Variants in CDKL1 observed in about 807,000 individuals in gnomAD.
CDKL1 encodes cyclin dependent kinase like 1.
Under a neutral mutation model 42.0 loss-of-function variants are expected in CDKL1, and 41 were observed. The ratio of observed to expected loss-of-function variants is 0.98; its 90% CI spans 0.76 to 1.27. CDKL1 has a LOEUF of 1.27. CDKL1 is among the 50% of genes most tolerant of loss of function. CDKL1 has a pLI of 0.00. For synonymous variants in CDKL1, 153 were observed against 158.6 expected, an observed-to-expected ratio of 0.96 and a Z score of 0.26; for missense variants, 394 against 428.4, an observed-to-expected ratio of 0.92 and a Z score of 0.71.
At chr14:50,390,350 G>A (rs1351968334) in intron 2 of CDKL1, 1 of 1,366,334 alleles carries the variant, frequency 7.3e-7, no homozygotes, top group Non-Finnish European at 9.8e-7. Context: ...ACTCCGCTAG[G>A]AGCATCTACT....
chr14:50,343,415 A>T (rs1248241650), intron 4 of CDKL1, among the ~76,000 whole-genome samples: 1 of 152,100 alleles, frequency 6.6e-6, no homozygotes, highest in African/African-American at 2.4e-5. Flanking sequence ...CCCCATGGGT[A>T]TTTATTATTC....
intron 3 of CDKL1, chr14:50,358,106 C>A: frequency 7.3e-7 from 1 of 1,361,248 alleles, no homozygotes; most frequent in Non-Finnish European, 9.8e-7. Flanking sequence ...TGTGTGCTCA[C>A]CAAGTCTTCT....
intron 5 of CDKL1, 76 bp from the exon 6 acceptor site, chr14:50,341,308 T>C: frequency 6.7e-7 from 1 of 1,494,020 alleles, no homozygotes; most frequent in Non-Finnish European, 8.9e-7. Context: ...ATCTCAGAAG[T>C]CAAGCCTGTG....
intron 7 of CDKL1, 181 bp from the exon 8 acceptor site, chr14:50,334,802 C>T (rs1199143759): frequency 5.5e-6 from 3 of 548,372 alleles, no homozygotes; most frequent in South Asian, 2.4e-5. Context: ...TCTCTCCCCA[C>T]CTCCAAATCG....
chr14:50,374,685 A>G (rs1191856835), intron 2 of CDKL1, among the ~76,000 whole-genome samples: 3 of 152,258 alleles, frequency 2.0e-5, no homozygotes, highest in African/African-American at 7.2e-5. Flanking sequence ...ACAGATGATT[A>G]CATATAGAAA....
intron 7 of CDKL1, chr14:50,335,717 G>A: frequency 2.0e-6 from 2 of 985,042 alleles, no homozygotes; most frequent in Non-Finnish European, 2.4e-6. Context: ...GTATAAAAGT[G>A]GCAGTGTGTG....
At chr14:50,383,900 T>A (rs2034996623) in intron 2 of CDKL1, among the ~76,000 whole-genome samples, 4 of 152,180 alleles carry the variant, frequency 2.6e-5, no homozygotes, top group Admixed American at 2.6e-4. Context: ...GGCAGCTTTA[T>A]CACTTAGGAG....
At position 50,328,433 on chromosome 14, in the gene CDKL1, T is replaced by A. The variant is rs1272259695; in HGVS notation, c.*1641A>T. On this transcript the variant is annotated 3_prime_UTR_variant, in exon 10 of 10. Coordinates refer to ENST00000395834, the MANE Select transcript of CDKL1 (RefSeq NM_004196.7). The stretch of plus-strand genomic sequence containing the variant: ...TGAGTAGACACCAGACCTCAGTGGA[T>A]TACTTAAGTAAATGGGGTCAGATGT... 1 of 152,128 alleles carries A rather than the reference T, an allele frequency of 6.6e-6. No homozygotes were observed. Among genetic ancestry groups the A allele is most frequent in the African/African-American group, 2.4e-5 (1 of 41,416 alleles). 9.4% of individuals were successfully genotyped at this position (152,128 alleles called of 1,614,324 possible).
At position 50,385,306 on chromosome 14, in the gene CDKL1, G is replaced by A. The variant is rs1473280248; in HGVS notation, c.168+10395C>T. 2.0e-5 allele frequency among the ~76,000 whole-genome samples: 3 copies of A among 152,164 alleles called. No homozygotes were observed. In the East Asian group the frequency reaches 5.8e-4, roughly 29 times the overall value. Reference sequence around the variant, plus strand: ...CATACACTTACTGATGGGAGCTAGTGTGAAGAACACAGCTTCACCCATGCA... The same window carrying A: ...CATACACTTACTGATGGGAGCTAGTATGAAGAACACAGCTTCACCCATGCA... On this transcript the variant is annotated intron_variant, in intron 2 of 9. Coordinates refer to ENST00000395834, the MANE Select transcript of CDKL1 (RefSeq NM_004196.7).
At chr14:50,370,765 GA>G (rs1200742830) in intron 2 of CDKL1, among the ~76,000 whole-genome samples, 2 of 152,182 alleles carry the variant, frequency 1.3e-5, no homozygotes, top group Admixed American at 6.5e-5. Context: ...ACAAGGGAGA[GA>G]GAGGGAATTG....
Position 50,332,705 on chromosome 14 carries a change from G to A in CDKL1, c.796-273C>T, listed in dbSNP as rs927926230. 1.3e-5 allele frequency: 20 copies of A among 1,531,330 alleles called. No individual in the cohort carries two copies. In the African/African-American group the frequency reaches 2.6e-4, roughly 20 times the overall value. 94.9% of individuals were successfully genotyped at this position (1,531,330 alleles called of 1,614,324 possible). ...TTGGTACTCTGCCCTGGGAGAGTAA[G>A]ATATAATTTTAGAGTTTACCTCAGT... On this transcript the variant is annotated intron_variant, in intron 8 of 9. Transcript: ENST00000395834.
At chr14:50,375,082 T>C (rs2139499441) in intron 2 of CDKL1, among the ~76,000 whole-genome samples, 1 of 152,266 alleles carries the variant, frequency 6.6e-6, no homozygotes, top group South Asian at 2.1e-4. Flanking sequence ...TCTGCACATG[T>C]ATCCCGGAAC....
At position 50,334,724 on chromosome 14, in the gene CDKL1, C is replaced by T. The variant is rs879604336; in HGVS notation, c.739-103G>A. 42 of 766,766 alleles carry T rather than the reference C, an allele frequency of 5.5e-5. No individual in the cohort carries two copies. The Admixed American group carries it at 6.2e-4, about 11-fold the overall frequency. 47.5% of individuals were successfully genotyped at this position (766,766 alleles called of 1,614,324 possible). On this transcript the variant is annotated intron_variant, in intron 7 of 9. Transcript: ENST00000395834. Reference sequence around the variant, plus strand: ...AAACATTTTCCTGGCACCTTCCTCACGTCCTCCACCCTTTGCCCACCCAAC... The same window carrying T: ...AAACATTTTCCTGGCACCTTCCTCATGTCCTCCACCCTTTGCCCACCCAAC...
At chr14:50,363,269 A>C in intron 2 of CDKL1, 1 of 192,042 alleles carries the variant, frequency 5.2e-6, no homozygotes, top group Non-Finnish European at 1.1e-5. Context: ...CCAAGAACCC[A>C]CCAATTCCAG....
At chr14:50,348,705 C>G (rs1261119587) in intron 3 of CDKL1, among the ~76,000 whole-genome samples, 2 of 152,158 alleles carry the variant, frequency 1.3e-5, no homozygotes, top group African/African-American at 2.4e-5. Flanking sequence ...GTTCCTTGTT[C>G]TTAACTATGA....
chr14:50,391,494 T>C (rs2035256229), intron 2 of CDKL1, among the ~76,000 whole-genome samples: 1 of 152,138 alleles, frequency 6.6e-6, no homozygotes, highest in African/African-American at 2.4e-5. Context: ...GCGATTCTCC[T>C]GTCTCAGACT....
chr14:50,382,756 G>A (rs547537509), intron 2 of CDKL1, among the ~76,000 whole-genome samples: 55 of 137,128 alleles, frequency 4.0e-4, no homozygotes, highest in African/African-American at 1.3e-3. Context: ...ACCACACCTG[G>A]GTAATTTTCA....
At chr14:50,333,693 T>C (rs748057439) in intron 8 of CDKL1, 4 of 152,200 alleles carry the variant, frequency 2.6e-5, no homozygotes, top group Non-Finnish European at 4.4e-5. Flanking sequence ...CTTTCTTGCA[T>C]GAGGTCCAAG....
At chr14:50,382,930 GTTTT>G (rs35801058) in intron 2 of CDKL1, among the ~76,000 whole-genome samples, 3 of 140,960 alleles carry the variant, frequency 2.1e-5, no homozygotes, top group African/African-American at 5.2e-5. Context: ...ACAGTTTTTT[GTTTT>G]TTTTTTTTTT....
Sources: allele counts gnomAD v4.1 joint callset (sites outside exome capture counted in the v4.1 genomes callset), GRCh38; gene constraint gnomAD v4.1.1; transcripts MANE v1.5; gene names NCBI Gene and HGNC (gene_info 2026-07-23, HGNC 2026-07-21).